Variants in AXL observed in about 807,000 individuals in gnomAD.
AXL encodes tyrosine-protein kinase receptor UFO.
In AXL, 52 loss-of-function variants were observed where a neutral mutation model predicts 104.5. That is an observed-to-expected ratio of 0.50 (90% confidence interval 0.40 to 0.63). AXL has a LOEUF of 0.63. Among genes scored for constraint, AXL ranks in the 20% least tolerant of loss-of-function variants. AXL has a pLI of 0.00. For synonymous variants in AXL, 455 were observed against 473.7 expected (o/e 0.96, Z 0.51); for missense variants, 1,024 against 1,188.5 (o/e 0.86, Z 2.04).
At chr19:41,228,687 A>G (rs1475299834) in intron 4 of AXL, among the ~76,000 whole-genome samples, 1 of 152,206 alleles carries the variant, frequency 6.6e-6, no homozygotes, top group Non-Finnish European at 1.5e-5. Context: ...CTCATTCAAC[A>G]AGCATTTATG....
At chr19:41,236,739 T>G (rs929705961) in intron 6 of AXL, among the ~76,000 whole-genome samples, 14 of 147,928 alleles carry the variant, frequency 9.5e-5, no homozygotes, top group African/African-American at 3.5e-4. Context: ...ATCTCACCAC[T>G]GCACTATAGC....
intron 10 of AXL, 132 bp from the exon 11 acceptor site, chr19:41,242,751 C>A: frequency 1.7e-6 from 2 of 1,148,888 alleles, no homozygotes; most frequent in South Asian, 1.4e-5. Flanking sequence ...TGAATGCATC[C>A]ATCACACACC....
At position 41,239,283 on chromosome 19, in the gene AXL, C is replaced by T. The variant is rs2122238293; in HGVS notation, c.1254C>T (p.Ser418=). ...CTGCTGCTGGGGATGGACCCTGGAG[C>T]CTCCCAGTACCCCTGGAGGCCTGGC... ...AYTAAGDGPW[S]LPVPLEAWRP... The change falls in exon 9 of 20, where the codon AGC becomes AGT. Residue 418 remains serine (S), a synonymous_variant. Transcript: ENST00000301178. 6.3e-7 allele frequency: 1 copy of T among 1,596,868 alleles called. No individual in the cohort carries two copies. The highest frequency in any genetic ancestry group is 8.5e-7 in the Non-Finnish European group (1 of 1,172,360).
chr19:41,239,124 G>T (rs1209815139), intron 8 of AXL, 40 bp from the exon 9 acceptor site: 6 of 1,609,800 alleles, frequency 3.7e-6, no homozygotes, highest in Non-Finnish European at 4.2e-6. Flanking sequence ...AACAGCTGGG[G>T]GGTAAGGTTC....
chr19:41,254,937 C>T (rs1232405890), intron 17 of AXL, among the ~76,000 whole-genome samples: 2 of 152,152 alleles, frequency 1.3e-5, no homozygotes, highest in East Asian at 3.8e-4. Context: ...GTATATTTTA[C>T]ATACACTAAA....
chr19:41,233,064 A>AT (rs1178198892), intron 6 of AXL, among the ~76,000 whole-genome samples: 1 of 151,234 alleles, frequency 6.6e-6, no homozygotes, highest in East Asian at 1.9e-4. Flanking sequence ...ATCACGGCTT[A>AT]TTGCAACCTC....
intron 4 of AXL, among the ~76,000 whole-genome samples, chr19:41,227,320 C>G (rs2033898840): frequency 6.6e-6 from 1 of 152,064 alleles, no homozygotes; most frequent in Non-Finnish European, 1.5e-5. Context: ...TTCACAATTT[C>G]GCAGATAGAT....
chr19:41,220,218 T>TTCTCCCTCCGCCACCACCCTTA (rs1387960527), intron 1 of AXL, among the ~76,000 whole-genome samples: 1 of 150,760 alleles, frequency 6.6e-6, no homozygotes, highest in Admixed American at 6.6e-5. Flanking sequence ...TTTCTCTGGC[T>TTCTCCCTCCGCCACCACCCTTA]TCTCCCTCCG....
rs2122237536 is a variant in AXL at position 41,239,200 on chromosome 19, C to G, written c.1171C>G (p.Leu391Val). ...CATAGGGCTAAGGCAAGAGGTGACC[C>G]TGGAGCTGCAGGGGGACGGGTCTGT... is the stretch of plus-strand genomic sequence containing the variant. ...MDIGLRQEVT[L>V]ELQGDGSVSN... Residue 391 changes from leucine to valine, a missense_variant, in exon 9 of 20, where the codon CTG becomes GTG. By Grantham distance (32) the Leu-to-Val change is conservative. Around this residue, in one of 5 missense-constraint regions of AXL, gnomAD observed 332 missense variants for 343.9 expected, o/e 0.97. Transcript: ENST00000301178. The G allele has an allele frequency of 6.2e-7, 1 of 1,613,312 alleles. No individual in the cohort carries two copies. The highest frequency in any genetic ancestry group is 8.5e-7 in the Non-Finnish European group (1 of 1,179,544).
Position 41,252,393 on chromosome 19 carries a change from A to C in AXL, c.1754A>C (p.Glu585Ala). Reference protein sequence around the residue: ...TRSELEDFLSEAVCMKEFDHP... With the variant: ...TRSELEDFLSAAVCMKEFDHP... ...TCAGAGCTGGAGGATTTCCTGAGTGAAGCGGTCTGCATGAAGGAATTTGAC... is the reference window on the plus strand; with the variant it reads ...TCAGAGCTGGAGGATTTCCTGAGTGCAGCGGTCTGCATGAAGGAATTTGAC... The change falls in exon 15 of 20, where the codon GAA (glutamate) becomes GCA (alanine). Residue 585 changes from glutamate (E) to alanine (A), a missense_variant. Physicochemically the swap from Glu to Ala is moderately radical, Grantham distance 107. This residue lies in a region of AXL where 523 missense variants were observed against 636.0 expected (regional missense o/e 0.82). Coordinates refer to ENST00000301178, the MANE Select transcript of AXL (RefSeq NM_021913.5). The C allele has an allele frequency of 6.2e-7, 1 of 1,613,886 alleles. No individual in the cohort carries two copies. Among genetic ancestry groups the C allele is most frequent in the Non-Finnish European group, 8.5e-7 (1 of 1,179,948 alleles).
chr19:41,251,545 A>G (rs568410706), intron 14 of AXL, among the ~76,000 whole-genome samples: 1 of 149,642 alleles, frequency 6.7e-6, no homozygotes, highest in Non-Finnish European at 1.5e-5. Flanking sequence ...CTGGGGGACA[A>G]GGGCGAAACT....
chr19:41,220,895 C>T (rs375833334), intron 2 of AXL, 37 bp downstream of exon 2: 38 of 1,601,272 alleles, frequency 2.4e-5, no homozygotes, highest in Admixed American at 6.7e-5. Flanking sequence ...CTCCCACCTC[C>T]GTCACACAGA....
At chr19:41,229,290 G>T (rs572229709) in intron 4 of AXL, among the ~76,000 whole-genome samples, 3 of 150,942 alleles carry the variant, frequency 2.0e-5, no homozygotes, top group African/African-American at 7.3e-5. Context: ...TTGAGACAGG[G>T]TCTCACTCTG....
intron 19 of AXL, 151 bp downstream of exon 19, chr19:41,257,780 T>A: frequency 2.0e-6 from 2 of 1,000,474 alleles, no homozygotes; most frequent in Non-Finnish European, 3.0e-6. Context: ...ATGCTCTGAG[T>A]AGGGCCATCA....
intron 17 of AXL, among the ~76,000 whole-genome samples, chr19:41,255,901 C>T (rs1197077258): frequency 6.6e-6 from 1 of 152,134 alleles, no homozygotes; most frequent in African/African-American, 2.4e-5. Context: ...TGCACCAACA[C>T]ACCTGGCTAA....
At chr19:41,226,944 T>C (rs1489477390) in intron 4 of AXL, 3 of 350,676 alleles carry the variant, frequency 8.6e-6, no homozygotes, top group African/African-American at 6.7e-5. Context: ...CAAAAAAAAA[T>C]TGAAAAGTTA....
chr19:41,229,484 C>T (rs1174659310), intron 4 of AXL, among the ~76,000 whole-genome samples: 1 of 152,242 alleles, frequency 6.6e-6, no homozygotes, highest in East Asian at 1.9e-4. Context: ...AGGCTGGTCT[C>T]TAACTCCTGG....
chr19:41,228,989 G>A (rs2033930585), intron 4 of AXL, among the ~76,000 whole-genome samples: 1 of 145,388 alleles, frequency 6.9e-6, no homozygotes, highest in Non-Finnish European at 1.5e-5. Flanking sequence ...CACTCTTGTT[G>A]CCCAGGCTGG....
intron 3 of AXL, chr19:41,221,526 A>T (rs537587234): frequency 2.0e-6 from 1 of 495,204 alleles, no homozygotes; most frequent in South Asian, 2.9e-5. Context: ...AGGTCACAGG[A>T]GGCCATTCTG....
Sources: gnomAD v4.1 joint callset for allele counts (sites outside exome capture counted in the v4.1 genomes callset) on GRCh38, gnomAD v4.1.1 for gene constraint, gnomAD v4.1.1 regional missense constraint, MANE v1.5 for transcripts, NCBI Gene and HGNC (gene_info 2026-07-23, HGNC 2026-07-21) for gene names.